PDK1: variants seen among roughly 807,000 people sequenced by gnomAD.
PDK1 encodes the protein [Pyruvate dehydrogenase (acetyl-transferring)] kinase isozyme 1, mitochondrial.
Under a neutral mutation model 54.2 loss-of-function variants are expected in PDK1, and 39 were observed. The observed-to-expected ratio is 0.72, with a 90% CI of 0.56 to 0.94. The LOEUF (loss-of-function observed/expected upper bound fraction) is 0.94, where lower values mean the gene tolerates loss of function less well. Among genes scored for constraint, PDK1 ranks in the 40% least tolerant of loss-of-function variants. PDK1 has a pLI of 0.00. For missense variants in PDK1, 552 were observed against 566.0 expected, an observed-to-expected ratio of 0.98 and a Z score of 0.25; for synonymous variants, 221 against 207.1, an observed-to-expected ratio of 1.07 and a Z score of -0.58.
At chr2:172,688,881 G>T in the PDK1 span, among the ~76,000 whole-genome samples, 1 of 152,164 alleles carries the variant, frequency 6.6e-6, no homozygotes, top group Non-Finnish European at 1.5e-5. Context: ...GTCCAGAGTT[G>T]GTTCCTTCCA....
the PDK1 span, among the ~76,000 whole-genome samples, chr2:172,722,407 T>A: frequency 6.6e-6 from 1 of 152,264 alleles, no homozygotes; most frequent in Admixed American, 6.5e-5. Context: ...TTTACCAAGC[T>A]TGCCAGTTAT....
the PDK1 span, among the ~76,000 whole-genome samples, chr2:172,715,932 T>A: frequency 6.6e-6 from 1 of 152,194 alleles, no homozygotes; most frequent in African/African-American, 2.4e-5. Context: ...TCCTAAGGTA[T>A]TTAGTAAACA....
At chr2:172,656,963 A>T in the PDK1 span, among the ~76,000 whole-genome samples, 1 of 151,866 alleles carries the variant, frequency 6.6e-6, no homozygotes, top group South Asian at 2.1e-4. Flanking sequence ...AGAGTTTTTA[A>T]CTCCCAAGCT....
chr2:172,711,128 T>C, the PDK1 span, among the ~76,000 whole-genome samples: 1 of 152,212 alleles, frequency 6.6e-6, no homozygotes, highest in Non-Finnish European at 1.5e-5. Context: ...CCTGACATTT[T>C]CTTCTCTTAT....
intron 2 of PDK1, 35 bp from the exon 3 acceptor site, chr2:172,562,185 A>G (rs1195561523): frequency 8.5e-7 from 1 of 1,176,328 alleles, no homozygotes. Flanking sequence ...TCAGAATATA[A>G]AAGAACAAAC....
the PDK1 span, among the ~76,000 whole-genome samples, chr2:172,704,070 G>A: frequency 4.9e-4 from 74 of 152,068 alleles, no homozygotes; most frequent in Middle Eastern, 3.4e-3. Context: ...CACCGTGCCC[G>A]GCCTACTTTT....
chr2:172,646,009 T>C, the PDK1 span, among the ~76,000 whole-genome samples: 16 of 152,244 alleles, frequency 1.1e-4, no homozygotes, highest in African/African-American at 3.4e-4. Flanking sequence ...CTTCTCTTTA[T>C]AAACATGTAC....
the PDK1 span, among the ~76,000 whole-genome samples, chr2:172,644,845 G>C: frequency 6.6e-6 from 1 of 150,608 alleles, no homozygotes; most frequent in Admixed American, 6.6e-5. Context: ...ACTAGCTTTA[G>C]CCTCACAGAG....
Position 172,595,959 on chromosome 2 carries a change from G to A in PDK1, c.1301G>A (p.Arg434His), listed in dbSNP as rs982748518. 18 of 1,609,696 alleles carry A rather than the reference G, an allele frequency of 1.1e-5. No homozygotes were observed. The African/African-American group carries it at 1.3e-4, about 12-fold the overall frequency. The change falls in exon 11 of 11, where the codon CGC becomes CAC. Residue 434 changes from arginine (R) to histidine (H), a missense_variant. Physicochemically the swap from Arg to His is conservative, Grantham distance 29 (BLOSUM62 0). Coordinates refer to ENST00000282077, the MANE Select transcript of PDK1 (RefSeq NM_002610.5). ...GAACCCAAAGACATGACGACGTTCC[G>A]CAGTGCCTAGACACACTTGGGACAT... Reference protein sequence around the residue: ...SREPKDMTTFRSA With the variant: ...SREPKDMTTFHSA
At chr2:172,687,108 T>A in the PDK1 span, among the ~76,000 whole-genome samples, 4 of 149,306 alleles carry the variant, frequency 2.7e-5, no homozygotes, top group Non-Finnish European at 3.0e-5. Context: ...CAATATATTA[T>A]ATAGTAATAT....
chr2:172,717,132 A>T, the PDK1 span, among the ~76,000 whole-genome samples: 1 of 152,230 alleles, frequency 6.6e-6, no homozygotes. Flanking sequence ...AAATGATGGT[A>T]TCTCACATCC....
chr2:172,659,777 C>A, the PDK1 span, among the ~76,000 whole-genome samples: 4 of 152,202 alleles, frequency 2.6e-5, no homozygotes, highest in Non-Finnish European at 5.9e-5. Flanking sequence ...TGGCTCCAAA[C>A]GTCTCCTACC....
At chr2:172,611,558 A>G (rs1366354127), downstream of PDK1, among the ~76,000 whole-genome samples, 17 of 152,206 alleles carry the variant, frequency 1.1e-4, no homozygotes, top group East Asian at 1.2e-3. Flanking sequence ...TTCCCAACTC[A>G]TAAGACTAGT....
At chr2:172,643,953 T>A in the PDK1 span, among the ~76,000 whole-genome samples, 1 of 152,142 alleles carries the variant, frequency 6.6e-6, no homozygotes, top group Non-Finnish European at 1.5e-5. Flanking sequence ...ATGTCAAGGG[T>A]GGGCTAGCCA....
intron 5 of PDK1, among the ~76,000 whole-genome samples, chr2:172,565,787 A>G (rs554537243): frequency 6.6e-6 from 1 of 152,174 alleles, no homozygotes; most frequent in South Asian, 2.1e-4. Flanking sequence ...GGGGTGCTCT[A>G]TGTTTTTTTC....
At chr2:172,617,338 TAAATG>T in the PDK1 span, among the ~76,000 whole-genome samples, 1 of 152,172 alleles carries the variant, frequency 6.6e-6, no homozygotes, top group Non-Finnish European at 1.5e-5. Context: ...TAATTCTTAT[TAAATG>T]AAATAATTTA....
chr2:172,661,391 C>T, the PDK1 span, among the ~76,000 whole-genome samples: 1 of 152,148 alleles, frequency 6.6e-6, no homozygotes, highest in African/African-American at 2.4e-5. Flanking sequence ...AATTGTCTTA[C>T]TACACTTTGC....
At position 172,574,473 on chromosome 2, in the gene PDK1, A is replaced by G. The variant is rs150342455; in HGVS notation, c.945+3649A>G. Reference sequence around the variant, plus strand: ...CTGCAAAAAAACAATGCCAGCTAGAATTTTGATGGGCATCATTTGGGAAGT... The same window carrying G: ...CTGCAAAAAAACAATGCCAGCTAGAGTTTTGATGGGCATCATTTGGGAAGT... On this transcript the variant is annotated intron_variant, in intron 8 of 10. Coordinates refer to ENST00000282077, the MANE Select transcript of PDK1 (RefSeq NM_002610.5). Among the ~76,000 whole-genome samples, 28 of 152,286 alleles carry G rather than the reference A, an allele frequency of 1.8e-4. No homozygotes were observed. The East Asian group carries it at 5.4e-3, about 29-fold the overall frequency.
chr2:172,703,746 T>A, the PDK1 span, among the ~76,000 whole-genome samples: 8 of 148,720 alleles, frequency 5.4e-5, no homozygotes, highest in African/African-American at 2.0e-4. Context: ...TTTCCTTTTT[T>A]TCTTTTTCTT....
Sources: gnomAD v4.1 joint callset for allele counts (sites outside exome capture counted in the v4.1 genomes callset) on GRCh38, gnomAD v4.1.1 for gene constraint, MANE v1.5 for transcripts, NCBI Gene and HGNC (gene_info 2026-07-23, HGNC 2026-07-21) for gene names.